The following RGS6 variants were observed in gnomAD, a reference collection of about 807,000 sequenced individuals.
RGS6 encodes regulator of G-protein signaling 6.
In RGS6, 30 loss-of-function variants were observed where a neutral mutation model predicts 78.5. The observed-to-expected ratio is 0.38, with a 90% CI of 0.29 to 0.52. The LOEUF (loss-of-function observed/expected upper bound fraction) is 0.52. Among genes scored for constraint, RGS6 ranks in the 20% least tolerant of loss-of-function variants. The pLI is 0.85. For missense variants in RGS6, 495 were observed against 609.7 expected (o/e 0.81, Z 1.98); for synonymous variants, 206 against 206.0 (o/e 1.00, Z 0.00).
At chr14:72,160,511 T>A (rs1212932623) in intron 2 of RGS6, among the ~76,000 whole-genome samples, 2 of 152,166 alleles carry the variant, frequency 1.3e-5, no homozygotes, top group African/African-American at 4.8e-5. Context: ...CTGAATTGTG[T>A]TCCCCTAAAA....
chr14:72,387,695 G>A (rs2088659570), intron 3 of RGS6, among the ~76,000 whole-genome samples: 1 of 152,192 alleles, frequency 6.6e-6, no homozygotes, highest in Admixed American at 6.5e-5. Flanking sequence ...ACAAATGTGA[G>A]TATAAGTCTT....
At chr14:72,496,342 A>T (rs2153417110) in intron 13 of RGS6, among the ~76,000 whole-genome samples, 1 of 152,334 alleles carries the variant, frequency 6.6e-6, no homozygotes, top group South Asian at 2.1e-4. Context: ...ATACTGCATA[A>T]ACTACTAGCT....
chr14:71,940,394 A>G (rs1339624653), intron 1 of RGS6, among the ~76,000 whole-genome samples: 1 of 152,202 alleles, frequency 6.6e-6, no homozygotes, highest in Non-Finnish European at 1.5e-5. Context: ...TGGAAATTGA[A>G]TGAGGAGCCG....
chr14:72,427,476 A>G (rs374250950), intron 3 of RGS6, among the ~76,000 whole-genome samples: 2 of 152,306 alleles, frequency 1.3e-5, no homozygotes, highest in African/African-American at 4.8e-5. Flanking sequence ...CTGATGTTGC[A>G]TTGAGCAAAG....
At chr14:72,318,155 A>G (rs1233291071) in intron 2 of RGS6, among the ~76,000 whole-genome samples, 1 of 152,246 alleles carries the variant, frequency 6.6e-6, no homozygotes, top group Middle Eastern at 3.4e-3. Flanking sequence ...CTCAGTGTAC[A>G]GTGGGGAGGG....
At chr14:72,179,806 G>C (rs1392139478) in intron 2 of RGS6, among the ~76,000 whole-genome samples, 1 of 152,128 alleles carries the variant, frequency 6.6e-6, no homozygotes, top group African/African-American at 2.4e-5. Flanking sequence ...TACAAATGCA[G>C]ATTATTGGGT....
At chr14:72,035,403 C>T (rs2091548233) in intron 2 of RGS6, among the ~76,000 whole-genome samples, 1 of 151,616 alleles carries the variant, frequency 6.6e-6, no homozygotes, top group Admixed American at 6.6e-5. Flanking sequence ...TTTATCAATT[C>T]TATTGGTCTT....
chr14:71,907,682 G>A, the RGS6 span, among the ~76,000 whole-genome samples: 1 of 152,088 alleles, frequency 6.6e-6, no homozygotes, highest in Non-Finnish European at 1.5e-5. Context: ...GGGCCGGGGT[G>A]GGAAAGGCAG....
At chr14:72,622,454 A>T in the RGS6 span, among the ~76,000 whole-genome samples, 2 of 152,184 alleles carry the variant, frequency 1.3e-5, no homozygotes, top group African/African-American at 4.8e-5. Context: ...ACAAGTTAGG[A>T]TGGAGACAGA....
chr14:72,498,325 T>C (rs987186619), intron 13 of RGS6, among the ~76,000 whole-genome samples: 5 of 152,230 alleles, frequency 3.3e-5, no homozygotes, highest in Non-Finnish European at 5.9e-5. Flanking sequence ...AGAATCATCA[T>C]TTCTGCTCAT....
At chr14:71,927,659 T>C (rs1308153883), upstream of RGS6, among the ~76,000 whole-genome samples, 1 of 149,992 alleles carries the variant, frequency 6.7e-6, no homozygotes, top group Non-Finnish European at 1.5e-5. Context: ...AATCCTTTTT[T>C]TTTCTTTTTT....
intron 2 of RGS6, among the ~76,000 whole-genome samples, chr14:72,233,422 A>C (rs143963837): frequency 1.3e-5 from 2 of 152,198 alleles, no homozygotes; most frequent in African/African-American, 4.8e-5. Flanking sequence ...GCATGGCTCA[A>C]GTGGGTAAAT....
chr14:71,986,223 A>G (rs988424744), intron 2 of RGS6, among the ~76,000 whole-genome samples: 6 of 152,236 alleles, frequency 3.9e-5, no homozygotes, highest in Admixed American at 2.6e-4. Flanking sequence ...TAAATGTTCA[A>G]TAGTTTTGGA....
intron 2 of RGS6, among the ~76,000 whole-genome samples, chr14:72,313,136 A>G (rs932642110): frequency 1.3e-5 from 2 of 152,158 alleles, no homozygotes; most frequent in African/African-American, 4.8e-5. Flanking sequence ...CAACATCTTC[A>G]GTTGGGGATA....
At chr14:72,410,858 T>C (rs1460375438) in intron 3 of RGS6, among the ~76,000 whole-genome samples, 2 of 152,242 alleles carry the variant, frequency 1.3e-5, no homozygotes, top group Admixed American at 6.5e-5. Flanking sequence ...TTGTCAGGTT[T>C]GTCAAAGATC....
intron 2 of RGS6, among the ~76,000 whole-genome samples, chr14:72,082,065 A>T (rs1232748575): frequency 6.6e-6 from 1 of 152,074 alleles, no homozygotes; most frequent in East Asian, 1.9e-4. Context: ...AGAGTTGCTC[A>T]TGAATTGGAG....
At chr14:72,124,875 G>A (rs80287707) in intron 2 of RGS6, among the ~76,000 whole-genome samples, 8,440 of 152,166 alleles carry the variant, frequency 0.055, 262 homozygotes, top group Middle Eastern at 0.088. Context: ...CCCTTCTCCA[G>A]TACTAAGTAG....
rs1395260258 is a variant in RGS6, at chr14:71,964,942, T to C, written c.84+67T>C. ...ACTGTTGTGTTCTGTGTAGGGCTGA[T>C]AAAAAGACAAATGTTTTCTGCCTAA... On this transcript the variant is annotated intron_variant, in intron 2 of 17. Transcript: ENST00000553525. 1.4e-5 allele frequency: 16 copies of C among 1,185,132 alleles called. No individual in the cohort carries two copies. In the Admixed American group the frequency reaches 4.1e-4, roughly 30 times the overall value. 73.4% of individuals were successfully genotyped at this position (1,185,132 alleles called of 1,614,324 possible). A position where few individuals can be genotyped will look rare whatever the true frequency, so the allele number is the denominator to read the frequency against.
chr14:72,251,518 G>T (rs550639795), intron 2 of RGS6, among the ~76,000 whole-genome samples: 1 of 152,236 alleles, frequency 6.6e-6, no homozygotes, highest in Admixed American at 6.5e-5. Flanking sequence ...TTCAAAAGTG[G>T]TCAGCATGCC....
Sources: allele counts gnomAD v4.1 joint callset (sites outside exome capture counted in the v4.1 genomes callset), GRCh38; gene constraint gnomAD v4.1.1; transcripts MANE v1.5; gene names NCBI Gene and HGNC (gene_info 2026-07-23, HGNC 2026-07-21).